The following UBAP2 variants were observed in gnomAD, a reference collection of about 807,000 sequenced individuals.
The protein encoded by UBAP2 is ubiquitin-associated protein 2.
UBAP2 carries 75 observed loss-of-function variants against 139.6 expected under a neutral mutation model. The ratio of observed to expected loss-of-function variants is 0.54; its 90% CI spans 0.45 to 0.65. The LOEUF is 0.65. Among genes scored for constraint, UBAP2 ranks in the 30% least tolerant of loss-of-function variants. The pLI is 0.00. For missense variants in UBAP2, 1,368 were observed against 1,369.6 expected (o/e 1.00, Z 0.02); for synonymous variants, 526 against 526.2 (o/e 1.00, Z 0.01).
At chr9:33,972,084 A>C (rs766468665) in intron 7 of UBAP2, among the ~76,000 whole-genome samples, 4 of 152,236 alleles carry the variant, frequency 2.6e-5, no homozygotes, top group Non-Finnish European at 5.9e-5. Flanking sequence ...GTCCTGCTGA[A>C]AAATAAGGCA....
chr9:34,028,482 C>T (rs1240492130), intron 1 of UBAP2, among the ~76,000 whole-genome samples: 2 of 151,860 alleles, frequency 1.3e-5, no homozygotes, highest in African/African-American at 4.8e-5. Flanking sequence ...TGGGTTCAAG[C>T]GATTAGCCTG....
intron 9 of UBAP2, among the ~76,000 whole-genome samples, chr9:33,961,348 C>T (rs1827031703): frequency 6.6e-6 from 1 of 152,132 alleles, no homozygotes; most frequent in Non-Finnish European, 1.5e-5. Flanking sequence ...AGAGAAGCAT[C>T]CTTTTAATAA....
chr9:33,951,388 C>T (rs1826094810), intron 12 of UBAP2, among the ~76,000 whole-genome samples: 1 of 131,794 alleles, frequency 7.6e-6, no homozygotes, highest in African/African-American at 2.9e-5. Context: ...CTCTCGTCGC[C>T]CAGGCTGGAG....
intron 1 of UBAP2, among the ~76,000 whole-genome samples, chr9:34,017,743 A>G (rs777990038): frequency 7.2e-5 from 11 of 152,006 alleles, no homozygotes; most frequent in South Asian, 2.1e-4. Context: ...TGGCTAACAC[A>G]ATGAAACCCC....
intron 1 of UBAP2, among the ~76,000 whole-genome samples, chr9:34,039,133 C>T (rs1199694012): frequency 5.9e-5 from 9 of 151,866 alleles, no homozygotes; most frequent in Admixed American, 5.2e-4. Context: ...GCAGCCGGCC[C>T]GTCTGGGAGG....
intron 1 of UBAP2, among the ~76,000 whole-genome samples, chr9:34,021,778 C>T (rs1192022625): frequency 1.3e-5 from 2 of 151,926 alleles, no homozygotes; most frequent in African/African-American, 2.4e-5. Context: ...GGACTACAGA[C>T]GCCTGCCACC....
chr9:34,007,084 G>T (rs1823283984), intron 2 of UBAP2, among the ~76,000 whole-genome samples: 1 of 152,090 alleles, frequency 6.6e-6, no homozygotes, highest in African/African-American at 2.4e-5. Flanking sequence ...GGAGTTTTTA[G>T]GTTTTTCTAA....
intron 18 of UBAP2, 76 bp from the exon 19 acceptor site, chr9:33,932,704 G>T (rs307649): frequency 0.18 from 274,799 of 1,501,954 alleles, 27,045 homozygotes; most frequent in South Asian, 0.35. Context: ...GTGGGTCAGT[G>T]AGCTAGATTC....
At chr9:34,016,876 A>G (rs190240394) in intron 2 of UBAP2, among the ~76,000 whole-genome samples, 174 bp downstream of exon 2, 9 of 152,300 alleles carry the variant, frequency 5.9e-5, no homozygotes, top group Admixed American at 1.3e-4. Context: ...CTGTTTAAAC[A>G]AAGGGTCCAA....
chr9:33,959,516 T>G (rs955579527), intron 10 of UBAP2, among the ~76,000 whole-genome samples: 5 of 152,162 alleles, frequency 3.3e-5, no homozygotes, highest in Non-Finnish European at 7.3e-5. Flanking sequence ...AACTCAAGAG[T>G]TCTAGAACTT....
intron 12 of UBAP2, among the ~76,000 whole-genome samples, chr9:33,951,751 T>C (rs1161390800): frequency 6.6e-6 from 1 of 152,236 alleles, no homozygotes; most frequent in African/African-American, 2.4e-5. Context: ...ATTCTCATGC[T>C]GGTCACTACA....
At chr9:33,948,765 T>C in intron 12 of UBAP2, 178 bp from the exon 13 acceptor site, 1 of 527,036 alleles carries the variant, frequency 1.9e-6, no homozygotes, top group Non-Finnish European at 3.3e-6. Context: ...GAAAACTGAC[T>C]AAATAAATGC....
At chr9:33,966,558 T>C (rs1359504031) in intron 8 of UBAP2, among the ~76,000 whole-genome samples, 1 of 152,206 alleles carries the variant, frequency 6.6e-6, no homozygotes, top group Non-Finnish European at 1.5e-5. Context: ...AGAAATGACA[T>C]TTCAAAGATA....
rs150194348 is a variant in UBAP2 at position 33,941,798 on chromosome 9, C to T, written c.1780G>A (p.Val594Ile). Reference protein sequence around the residue: ...AVQNSTYTTSVITSCSLTSSS... With the variant: ...AVQNSTYTTSIITSCSLTSSS... ...CTTGTCAGACTGCAGGAGGTAATGA[C>T]GGAAGTTGTATATGTGGAGTTCTGT... is the stretch of plus-strand genomic sequence containing the variant. The change falls in exon 16 of 29, where the codon GTC becomes ATC. Residue 594 changes from valine (V) to isoleucine (I), a missense_variant. By Grantham distance (29) the Val-to-Ile change is conservative (BLOSUM62 3). Transcript: ENST00000379238. 7.1e-4 allele frequency: 1,148 copies of T among 1,613,720 alleles called. 4 individuals carry two copies. Among genetic ancestry groups the T allele is most frequent in the Middle Eastern group, 4.8e-3 (29 of 6,060 alleles).
intron 5 of UBAP2, 37 bp from the exon 6 acceptor site, chr9:33,986,874 T>G (rs1821263767): frequency 6.4e-7 from 1 of 1,566,764 alleles, no homozygotes; most frequent in Non-Finnish European, 8.8e-7. Flanking sequence ...AATTTCCATT[T>G]CCAAACCTCT....
chr9:33,966,641 T>C (rs903999541), intron 8 of UBAP2, among the ~76,000 whole-genome samples: 8 of 152,142 alleles, frequency 5.3e-5, no homozygotes, highest in African/African-American at 1.9e-4. Flanking sequence ...TCCCAACATG[T>C]TGCATAATAT....
At chr9:34,028,279 G>A (rs547395518) in intron 1 of UBAP2, among the ~76,000 whole-genome samples, 1 of 151,970 alleles carries the variant, frequency 6.6e-6, no homozygotes, top group Non-Finnish European at 1.5e-5. Context: ...GTTACCTAAG[G>A]CCACGAAGGG....
At chr9:34,002,911 C>G (rs1036702591) in intron 2 of UBAP2, among the ~76,000 whole-genome samples, 1 of 151,862 alleles carries the variant, frequency 6.6e-6, no homozygotes, top group South Asian at 2.1e-4. Flanking sequence ...TAATATTGAA[C>G]CCCCCGAGCT....
chr9:33,988,846 AAG>A (rs1187029750), intron 5 of UBAP2, 125 bp downstream of exon 5: 2 of 1,055,514 alleles, frequency 1.9e-6, no homozygotes, highest in Non-Finnish European at 1.4e-6. Context: ...TATGGAAACT[AAG>A]AAAAAATTTG....
Sources: allele counts gnomAD v4.1 joint callset (sites outside exome capture counted in the v4.1 genomes callset), GRCh38; gene constraint gnomAD v4.1.1; transcripts MANE v1.5; gene names NCBI Gene and HGNC (gene_info 2026-07-23, HGNC 2026-07-21).